The following SIRT5 variants were observed in gnomAD, a reference collection of about 807,000 sequenced individuals.
SIRT5 encodes the protein sirtuin 5.
In SIRT5, 26 loss-of-function variants were observed where a neutral mutation model predicts 40.0. The ratio of observed to expected loss-of-function variants is 0.65; its 90% confidence interval spans 0.48 to 0.90. The LOEUF is 0.90. Ranked by LOEUF, SIRT5 falls within the 40% of genes least tolerant of loss-of-function variation. The pLI, the probability that SIRT5 is intolerant of heterozygous loss-of-function variation, is 0.00. For synonymous variants in SIRT5, 146 were observed against 149.1 expected (o/e 0.98, Z 0.15); for missense variants, 401 against 402.4 (o/e 1.00, Z 0.03).
intron 3 of SIRT5, among the ~76,000 whole-genome samples, chr6:13,586,886 G>A (rs898176918): frequency 2.0e-5 from 3 of 152,108 alleles, no homozygotes; most frequent in African/African-American, 7.2e-5. Context: ...ATGAGGCCAC[G>A]TTCCCTTTAA....
intron 9 of SIRT5, among the ~76,000 whole-genome samples, chr6:13,601,197 G>T (rs914028877): frequency 6.6e-6 from 1 of 152,138 alleles, no homozygotes; most frequent in Admixed American, 6.6e-5. Flanking sequence ...GCTCTTCTTG[G>T]ATTCCTTAGG....
intron 1 of SIRT5, among the ~76,000 whole-genome samples, chr6:13,577,862 A>T (rs1349901891): frequency 6.6e-6 from 1 of 152,100 alleles, no homozygotes; most frequent in Admixed American, 6.5e-5. Flanking sequence ...CACTGAATAG[A>T]CAATGTGAGA....
chr6:13,582,851 T>G (rs1037663230), intron 2 of SIRT5, among the ~76,000 whole-genome samples: 6 of 152,222 alleles, frequency 3.9e-5, no homozygotes, highest in Admixed American at 3.9e-4. Flanking sequence ...CTTAATACTA[T>G]TGTCACAGTA....
At chr6:13,610,760 G>C (rs1667314398) in intron 9 of SIRT5, among the ~76,000 whole-genome samples, 1 of 152,176 alleles carries the variant, frequency 6.6e-6, no homozygotes, top group Non-Finnish European at 1.5e-5. Context: ...CACGTGGCAG[G>C]GGGCAGACGG....
At chr6:13,575,473 C>G (rs889054784) in intron 1 of SIRT5, among the ~76,000 whole-genome samples, 1 of 151,790 alleles carries the variant, frequency 6.6e-6, no homozygotes, top group Non-Finnish European at 1.5e-5. Flanking sequence ...TTATTGGGAG[C>G]CTGTACAACT....
chr6:13,597,219 A>G (rs1232624889), intron 7 of SIRT5, among the ~76,000 whole-genome samples: 2 of 152,102 alleles, frequency 1.3e-5, no homozygotes, highest in Non-Finnish European at 2.9e-5. Context: ...TTTTTTTCCA[A>G]CCTCTTTTTG....
intron 9 of SIRT5, among the ~76,000 whole-genome samples, chr6:13,609,477 T>G (rs1485285939): frequency 6.6e-6 from 1 of 152,228 alleles, no homozygotes; most frequent in Non-Finnish European, 1.5e-5. Context: ...CATGTCTGGC[T>G]GGCAAAGTAG....
intron 4 of SIRT5, among the ~76,000 whole-genome samples, chr6:13,590,267 T>G (rs1760671504): frequency 1.3e-5 from 2 of 152,176 alleles, no homozygotes; most frequent in African/African-American, 4.8e-5. Flanking sequence ...CAGTCATCCC[T>G]GAAAGTTCCC....
At chr6:13,578,906 G>A (rs2804910) in intron 1 of SIRT5, among the ~76,000 whole-genome samples, 47,392 of 151,886 alleles carry the variant, frequency 0.31, 7,501 homozygotes, top group Admixed American at 0.33. Context: ...ATAAGAACCT[G>A]CCTAGCACCC....
At chr6:13,577,703 G>C (rs1758802707) in intron 1 of SIRT5, among the ~76,000 whole-genome samples, 1 of 147,636 alleles carries the variant, frequency 6.8e-6, no homozygotes, top group Admixed American at 6.8e-5. Context: ...TATATACATA[G>C]ATATTATATA....
intron 5 of SIRT5, among the ~76,000 whole-genome samples, chr6:13,592,568 C>T (rs189922003): frequency 5.3e-5 from 8 of 151,948 alleles, no homozygotes; most frequent in African/African-American, 1.9e-4. Context: ...GTCGGTGGAC[C>T]CCACTGAGGC....
rs368824088 is a variant in SIRT5 at position 13,591,904 on chromosome 6, C to CCCCA, written c.475+11_475+14dup. 26 of 1,605,334 alleles carry CCCCA rather than the reference C, an allele frequency of 1.6e-5. No homozygotes were observed. In the African/African-American group the frequency reaches 3.1e-4, roughly 19 times the overall value. ...CTTCTGGAGATCCATGGTGAGAGAC[C>CCCCA]CCCAGCCTCCCATTCAGGGAACCAG... On this transcript the variant is annotated intron_variant, in intron 5 of 9. Coordinates refer to ENST00000606117, the MANE Select transcript of SIRT5 (RefSeq NM_012241.5).
At chr6:13,589,902 A>G (rs1760604515) in intron 4 of SIRT5, among the ~76,000 whole-genome samples, 1 of 152,160 alleles carries the variant, frequency 6.6e-6, no homozygotes, top group Non-Finnish European at 1.5e-5. Flanking sequence ...ATTTGACTCC[A>G]ACACCCTTCC....
chr6:13,595,339 A>C (rs1360967533), intron 5 of SIRT5, 138 bp from the exon 6 acceptor site: 9 of 659,874 alleles, frequency 1.4e-5, no homozygotes, highest in Admixed American at 9.4e-5. Flanking sequence ...GTACTGCTAC[A>C]CTCCAGCCTG....
At position 13,611,205 on chromosome 6, in the gene SIRT5, G is replaced by A. The variant is rs867821745; in HGVS notation, c.858-585G>A. On this transcript the variant is annotated intron_variant, in intron 9 of 9. Coordinates refer to ENST00000606117, the MANE Select transcript of SIRT5 (RefSeq NM_012241.5). ...CTGCTGTAATGTTTTATGTGTGTGT[G>A]TGTATATATATATATATATATATAT... Among the ~76,000 whole-genome samples, 323 of 107,012 alleles carry A rather than the reference G, an allele frequency of 3.0e-3. 2 individuals carry two copies. Among genetic ancestry groups the A allele is most frequent in the African/African-American group, 0.011 (302 of 26,936 alleles). The allele number at this position is 107,012 out of a possible 152,430, so 70.2% of individuals were successfully genotyped here.
chr6:13,611,778 C>T lies in SIRT5; in HGVS notation c.858-12C>T, dbSNP rs770268100. ...TAGTTCAAAACTGCTGTATTTGCTT[C>T]TTCTCTTTCAGGTTTCATTTCCAGG... is the stretch of plus-strand genomic sequence containing the variant. On this transcript the variant is annotated splice_polypyrimidine_tract_variant and intron_variant, in intron 9 of 9. Transcript: ENST00000606117. 15 of 1,602,362 alleles carry T rather than the reference C, an allele frequency of 9.4e-6. No homozygotes were observed. The highest frequency in any genetic ancestry group is 1.6e-4 in the Middle Eastern group (1 of 6,068).
intron 9 of SIRT5, among the ~76,000 whole-genome samples, chr6:13,603,558 TA>T (rs1396905399): frequency 6.6e-6 from 1 of 152,244 alleles, no homozygotes; most frequent in East Asian, 1.9e-4. Flanking sequence ...ATTTTTAAGA[TA>T]AAGGAAAATC....
At chr6:13,605,465 A>C (rs550772340) in intron 9 of SIRT5, 2 of 985,408 alleles carry the variant, frequency 2.0e-6, no homozygotes, top group East Asian at 2.3e-4. Context: ...TTTGTTACCT[A>C]AATAGGCAGC....
In SIRT5 at chr6:13,579,805, G is replaced by A. The variant is rs142032051; in HGVS notation, c.-36+196G>A. On this transcript the variant is annotated intron_variant, in intron 2 of 9. Transcript: ENST00000606117. ...TGAAGCTGGGTGATAAGAATATAAG[G>A]GTTCCCCATACTACACTGTTTATTT... Among the ~76,000 whole-genome samples the A allele has an allele frequency of 4.8e-3, 733 of 152,200 alleles. 2 individuals are homozygous for A. The highest frequency in any genetic ancestry group is 0.01 in the Middle Eastern group (3 of 294).
Sources: gnomAD v4.1 joint callset for allele counts (sites outside exome capture counted in the v4.1 genomes callset) on GRCh38, gnomAD v4.1.1 for gene constraint, MANE v1.5 for transcripts, NCBI Gene and HGNC (gene_info 2026-07-23, HGNC 2026-07-21) for gene names.